FBXW2: variants seen among roughly 807,000 people sequenced by gnomAD.
The protein encoded by FBXW2 is F-box/WD repeat-containing protein 2.
Under a neutral mutation model 46.0 loss-of-function variants are expected in FBXW2, and 12 were observed. That is an observed-to-expected ratio of 0.26 (90% CI 0.17 to 0.42). The LOEUF is 0.42. FBXW2 is among the 10% of genes least tolerant of loss of function. The probability of loss-of-function intolerance (pLI) is 1.00; values close to 1 mark genes in which losing one functional copy is unlikely to be tolerated. For missense variants in FBXW2, 360 were observed against 537.0 expected (o/e 0.67, Z 3.26); for synonymous variants, 203 against 209.6 (o/e 0.97, Z 0.27).
chr9:120,764,841 G>A lies in FBXW2; in HGVS notation c.1083C>T (p.Ile361=), dbSNP rs760447439. 1 of 1,580,792 alleles carries A rather than the reference G, an allele frequency of 6.3e-7. No homozygotes were observed. Among genetic ancestry groups the A allele is most frequent in the Non-Finnish European group, 8.6e-7 (1 of 1,161,372 alleles). Residue 361 remains isoleucine (I), a synonymous_variant, in exon 8 of 8, where the codon ATC becomes ATT. Coordinates refer to ENST00000608872, the MANE Select transcript of FBXW2 (RefSeq NM_012164.4). ...DFASYDILRV[I]KTPEIANLAL... Reference sequence around the variant, plus strand: ...CCAAGTTTGCTATCTCAGGAGTCTTGATGACCCTACAAGGATGAGAGTTAG... The same window carrying A: ...CCAAGTTTGCTATCTCAGGAGTCTTAATGACCCTACAAGGATGAGAGTTAG...
At chr9:120,781,635 T>TATACAC (rs372005960) in intron 3 of FBXW2, among the ~76,000 whole-genome samples, 13 of 43,544 alleles carry the variant, frequency 3.0e-4, no homozygotes, top group Non-Finnish European at 1.0e-3. Flanking sequence ...TTTATATACA[T>TATACAC]ACACACACAC....
intron 5 of FBXW2, among the ~76,000 whole-genome samples, chr9:120,775,553 G>C (rs1426707424): frequency 6.6e-6 from 1 of 151,928 alleles, no homozygotes; most frequent in Non-Finnish European, 1.5e-5. Flanking sequence ...GCTTCTGCGT[G>C]GTATATCCAT....
chr9:120,776,274 T>A lies in FBXW2; in HGVS notation c.686-48A>T. On this transcript the variant is annotated intron_variant, in intron 4 of 7. Coordinates refer to ENST00000608872, the MANE Select transcript of FBXW2 (RefSeq NM_012164.4). ...GTTAAAACATGTCTCTGTCAGTGGG[T>A]CTTTTATAATAGAGTTCAATAATGT... 3 of 1,592,602 alleles carry A rather than the reference T, an allele frequency of 1.9e-6. No individual in the cohort carries two copies. The South Asian group carries it at 3.4e-5, about 18-fold the overall frequency.
rs746988602 is a variant in FBXW2 at position 120,771,331 on chromosome 9, G to A, written c.1076+17C>T. The A allele has an allele frequency of 5.6e-6, 9 of 1,600,734 alleles. 1 individual carries two copies. In the East Asian group the frequency reaches 1.8e-4, roughly 32 times the overall value. ...CAGGCTTTCAAAGGTAAAGCGTGAG[G>A]TCGAAGGAAACATTACCTGAGAATA... On this transcript the variant is annotated intron_variant, in intron 7 of 7. Transcript: ENST00000608872.
Position 120,770,184 on chromosome 9 carries a change from G to A in FBXW2, c.1076+1164C>T, listed in dbSNP as rs936070150. 3.3e-5 allele frequency among the ~76,000 whole-genome samples: 5 copies of A among 152,156 alleles called. No individual in the cohort carries two copies. The East Asian group carries it at 7.7e-4, about 23-fold the overall frequency. ...GAGGTCAGGAGATTGAGTCCATCCT[G>A]CCTAGCACAGTGAAACCCCGTCTCT... On this transcript the variant is annotated intron_variant, in intron 7 of 7. Transcript: ENST00000608872.
Position 120,764,355 on chromosome 9 carries a change from A to C in FBXW2, c.*204T>G. 1.7e-6 allele frequency: 1 copy of C among 576,352 alleles called. No individual in the cohort carries two copies. Among genetic ancestry groups the C allele is most frequent in the Non-Finnish European group, 3.1e-6 (1 of 324,170 alleles). 35.7% of individuals were successfully genotyped at this position (576,352 alleles called of 1,614,324 possible). On this transcript the variant is annotated 3_prime_UTR_variant, in exon 8 of 8. Transcript: ENST00000608872. ...AATGAAGTCAATGGTGTACCCCATTAGCATGCTGCGTTGTATGTCAATAAA... is the reference window on the plus strand; with the variant it reads ...AATGAAGTCAATGGTGTACCCCATTCGCATGCTGCGTTGTATGTCAATAAA...
In FBXW2 at chr9:120,764,596, T is replaced by C. The variant is rs1418071701; in HGVS notation, c.1328A>G (p.His443Arg). The change falls in exon 8 of 8, where the codon CAC (histidine) becomes CGC (arginine). Residue 443 changes from histidine (H) to arginine (R), a missense_variant. His to Arg is a conservative substitution (Grantham distance 29). Coordinates refer to ENST00000608872, the MANE Select transcript of FBXW2 (RefSeq NM_012164.4). Reference sequence around the variant, plus strand: ...CTTCCACAACACCAGGTGAATACTGTGGTCAGGCATGCTGGTGGCAAAGAC... The same window carrying C: ...CTTCCACAACACCAGGTGAATACTGCGGTCAGGCATGCTGGTGGCAAAGAC... ...GLVFATSMPDHSIHLVLWKEH... is the reference protein window; with the variant it reads ...GLVFATSMPDRSIHLVLWKEH... 1 of 1,614,156 alleles carries C rather than the reference T, an allele frequency of 6.2e-7. No homozygotes were observed.
In FBXW2 at chr9:120,793,357, G is replaced by T; in HGVS notation, c.-133C>A. The T allele has an allele frequency of 2.5e-6, 1 of 403,214 alleles. No individual in the cohort carries two copies. Among genetic ancestry groups the T allele is most frequent in the East Asian group, 3.6e-5 (1 of 28,068 alleles). The allele number at this position is 403,214 out of a possible 1,614,324, so 25.0% of individuals were successfully genotyped here. A position where few individuals can be genotyped will look rare whatever the true frequency, so the allele number is the denominator to read the frequency against. On this transcript the variant is annotated 5_prime_UTR_variant, in exon 1 of 8. Coordinates refer to ENST00000608872, the MANE Select transcript of FBXW2 (RefSeq NM_012164.4). ...CGGCCCCGCCTCGCATACAGACCCG[G>T]ACCTGCGGCCGCTGCTCCCGGTCCG...
intron 3 of FBXW2, among the ~76,000 whole-genome samples, chr9:120,782,235 G>A (rs1243556098): frequency 2.0e-5 from 3 of 151,996 alleles, no homozygotes; most frequent in African/African-American, 4.8e-5. Context: ...TTGGGAGGCC[G>A]AGGCTGGTTC....
intron 7 of FBXW2, among the ~76,000 whole-genome samples, 200 bp downstream of exon 7, chr9:120,771,146 ACT>A (rs1357028160): frequency 6.6e-6 from 1 of 152,090 alleles, no homozygotes; most frequent in Non-Finnish European, 1.5e-5. Flanking sequence ...CCAGTACGTA[ACT>A]CTTTTTCATT....
At position 120,764,511 on chromosome 9, in the gene FBXW2, C is replaced by G; in HGVS notation, c.*48G>C. The G allele has an allele frequency of 6.3e-7, 1 of 1,578,674 alleles. No homozygotes were observed. Among genetic ancestry groups the G allele is most frequent in the Non-Finnish European group, 8.6e-7 (1 of 1,157,380 alleles). ...GCTGCCGCAGAGGTTGCACCCAAAA[C>G]CCGCAGCCCCGGCACCCAAAGTCAG... On this transcript the variant is annotated 3_prime_UTR_variant, in exon 8 of 8. Coordinates refer to ENST00000608872, the MANE Select transcript of FBXW2 (RefSeq NM_012164.4).
rs1171036144 is a variant in FBXW2 at position 120,760,656 on chromosome 9, A to C, written c.*3903T>G. 1 of 151,628 alleles carries C rather than the reference A, an allele frequency of 6.6e-6. No homozygotes were observed. The highest frequency in any genetic ancestry group is 1.5e-5 in the Non-Finnish European group (1 of 67,930). 9.4% of individuals were successfully genotyped at this position (151,628 alleles called of 1,614,324 possible). A position where few individuals can be genotyped will look rare whatever the true frequency, so the allele number is the denominator to read the frequency against. On this transcript the variant is annotated 3_prime_UTR_variant, in exon 8 of 8. Coordinates refer to ENST00000608872, the MANE Select transcript of FBXW2 (RefSeq NM_012164.4). The stretch of plus-strand genomic sequence containing the variant: ...ACATACAAAAAAAACAAAACAAAAC[A>C]AAAAAAACAGTGATGTTGGTAGGAT...
intron 2 of FBXW2, among the ~76,000 whole-genome samples, chr9:120,789,934 G>A (rs1406945636): frequency 6.6e-6 from 1 of 152,182 alleles, no homozygotes; most frequent in Non-Finnish European, 1.5e-5. Flanking sequence ...GGCTAGAGAA[G>A]ATTTATTAAT....
chr9:120,785,541 G>A (rs1352521319), intron 3 of FBXW2, among the ~76,000 whole-genome samples: 1 of 152,150 alleles, frequency 6.6e-6, no homozygotes, highest in Non-Finnish European at 1.5e-5. Context: ...TAGCATTTCA[G>A]AGAAAATATC....
At chr9:120,778,021 T>C (rs2044534260) in intron 4 of FBXW2, among the ~76,000 whole-genome samples, 1 of 150,962 alleles carries the variant, frequency 6.6e-6, no homozygotes, top group South Asian at 2.1e-4. Flanking sequence ...TGGAATCTGA[T>C]AAAAGCCAAG....
rs940289748 is a variant in FBXW2 at position 120,761,311 on chromosome 9, C to A, written c.*3248G>T. 7.2e-5 allele frequency: 11 copies of A among 152,232 alleles called. No homozygotes were observed. The highest frequency in any genetic ancestry group is 2.4e-4 in the African/African-American group (10 of 41,458). The allele number at this position is 152,232 out of a possible 1,614,324, so 9.4% of individuals were successfully genotyped here. On this transcript the variant is annotated 3_prime_UTR_variant, in exon 8 of 8. Transcript: ENST00000608872. Reference sequence around the variant, plus strand: ...AGTTGTTATGATGGCCTTTATGAACCTGAAAGAAGCCGCTGGCTTCCACCA... The same window carrying A: ...AGTTGTTATGATGGCCTTTATGAACATGAAAGAAGCCGCTGGCTTCCACCA...
Position 120,764,681 on chromosome 9 carries a change from A to C in FBXW2, c.1243T>G (p.Phe415Val), listed in dbSNP as rs774317421. ...AGCCAGGATGCTTCGCCTGCCAGGA[A>C]GCTTGAGCCTCTCTTTGATTTCCTG... is the stretch of plus-strand genomic sequence containing the variant. ...EYRKSKRGSS[F>V]LAGEASWLNG... The change falls in exon 8 of 8, where the codon TTC (phenylalanine) becomes GTC (valine). Residue 415 changes from phenylalanine to valine, a missense_variant. Coordinates refer to ENST00000608872, the MANE Select transcript of FBXW2 (RefSeq NM_012164.4). 1.9e-6 allele frequency: 3 copies of C among 1,614,070 alleles called. No homozygotes were observed. In the African/African-American group the frequency reaches 4.0e-5, roughly 22 times the overall value.
At position 120,786,392 on chromosome 9, in the gene FBXW2, C is replaced by T. The variant is rs370637089; in HGVS notation, c.490+1377G>A. Among the ~76,000 whole-genome samples the T allele has an allele frequency of 5.1e-4, 77 of 152,322 alleles. 1 individual carries two copies. The highest frequency in any genetic ancestry group is 1.6e-3 in the African/African-American group (68 of 41,568). On this transcript the variant is annotated intron_variant, in intron 3 of 7. Coordinates refer to ENST00000608872, the MANE Select transcript of FBXW2 (RefSeq NM_012164.4). Reference sequence around the variant, plus strand: ...CTCCTGCTGCCTTGTGAACAAGGTGCTTGCTTCCCCTTCGCCTTCCGCCAT... The same window carrying T: ...CTCCTGCTGCCTTGTGAACAAGGTGTTTGCTTCCCCTTCGCCTTCCGCCAT...
rs767928829 is a variant in FBXW2, at chr9:120,788,015, G to A, written c.244C>T (p.Leu82Phe). ...ACCTTATTCCACTGTTTAGAGACGA[G>A]GCAGCATGTGAGTAAAGTCTGAGGA... is the stretch of plus-strand genomic sequence containing the variant. ...LDPQTLLTCC[L>F]VSKQWNKVIS... Residue 82 changes from leucine (L) to phenylalanine (F), a missense_variant, in exon 3 of 8, where the codon CTC (leucine) becomes TTC (phenylalanine). By Grantham distance (22) the Leu-to-Phe change is conservative. Transcript: ENST00000608872. 1 of 1,614,138 alleles carries A rather than the reference G, an allele frequency of 6.2e-7. No individual in the cohort carries two copies. Among genetic ancestry groups the A allele is most frequent in the Admixed American group, 1.7e-5 (1 of 60,010 alleles).
Sources: gnomAD v4.1 joint callset for allele counts (sites outside exome capture counted in the v4.1 genomes callset) on GRCh38, gnomAD v4.1.1 for gene constraint, MANE v1.5 for transcripts, NCBI Gene and HGNC (gene_info 2026-07-23, HGNC 2026-07-21) for gene names.